The following ENOX1 variants were observed in gnomAD, a reference collection of about 807,000 sequenced individuals.
The protein encoded by ENOX1 is ecto-NOX disulfide-thiol exchanger 1.
In ENOX1, 42 loss-of-function variants were observed where a neutral mutation model predicts 82.5. That is an observed-to-expected ratio of 0.51 (90% CI 0.40 to 0.66). ENOX1 has a LOEUF of 0.66. Among genes scored for constraint, ENOX1 ranks in the 30% least tolerant of loss-of-function variants. ENOX1 has a pLI of 0.00. For synonymous variants in ENOX1, 271 were observed against 282.2 expected (o/e 0.96, Z 0.40); for missense variants, 608 against 811.6 (o/e 0.75, Z 3.05).
chr13:43,233,914 A>C (rs906526525), intron 15 of ENOX1, among the ~76,000 whole-genome samples: 3 of 105,706 alleles, frequency 2.8e-5, no homozygotes, highest in African/African-American at 8.4e-5. Context: ...GGGAATTGCA[A>C]AGAGTATTTA....
At chr13:43,653,901 T>C (rs1208639328) in intron 2 of ENOX1, among the ~76,000 whole-genome samples, 1 of 152,150 alleles carries the variant, frequency 6.6e-6, no homozygotes, top group East Asian at 1.9e-4. Flanking sequence ...ATGCCACCAT[T>C]GAACCACTAA....
intron 2 of ENOX1, among the ~76,000 whole-genome samples, chr13:43,574,721 C>T (rs2153713332): frequency 6.6e-6 from 1 of 152,290 alleles, no homozygotes; most frequent in African/African-American, 2.4e-5. Context: ...TTTAATCTGC[C>T]ATGCCTGAAT....
intron 2 of ENOX1, among the ~76,000 whole-genome samples, chr13:43,605,227 A>G (rs1318231806): frequency 6.6e-6 from 1 of 152,234 alleles, no homozygotes; most frequent in East Asian, 1.9e-4. Context: ...TAAAATGTCC[A>G]TACTACACAA....
At chr13:43,293,140 A>C (rs1464305309) in intron 12 of ENOX1, among the ~76,000 whole-genome samples, 1 of 151,946 alleles carries the variant, frequency 6.6e-6, no homozygotes, top group Non-Finnish European at 1.5e-5. Context: ...CATAGCCACC[A>C]TTCTCACCAC....
chr13:43,297,216 T>C (rs2046330092), intron 12 of ENOX1, among the ~76,000 whole-genome samples: 1 of 152,216 alleles, frequency 6.6e-6, no homozygotes, highest in Non-Finnish European at 1.5e-5. Context: ...GTGATTCTTT[T>C]TTATACTCTC....
At chr13:43,351,411 AT>A (rs1231598427) in intron 8 of ENOX1, among the ~76,000 whole-genome samples, 4 of 135,800 alleles carry the variant, frequency 2.9e-5, no homozygotes, top group South Asian at 2.6e-4. Flanking sequence ...TTATTTATTT[AT>A]TTTATTTATT....
chr13:43,495,386 T>C (rs2076757077), intron 2 of ENOX1, among the ~76,000 whole-genome samples: 1 of 152,146 alleles, frequency 6.6e-6, no homozygotes, highest in African/African-American at 2.4e-5. Flanking sequence ...GCTTTGCCTA[T>C]ACTTGAACTC....
intron 2 of ENOX1, among the ~76,000 whole-genome samples, chr13:43,564,240 GAATT>G (rs1416119272): frequency 3.3e-5 from 5 of 151,982 alleles, no homozygotes; most frequent in South Asian, 2.1e-4. Flanking sequence ...TGGATTAGAA[GAATT>G]AATATTGTTA....
At chr13:43,221,235 C>A (rs2041770782) in intron 16 of ENOX1, among the ~76,000 whole-genome samples, 1 of 152,178 alleles carries the variant, frequency 6.6e-6, no homozygotes, top group Admixed American at 6.5e-5. Context: ...GCTTGGAAAA[C>A]TGAGCCTTCA....
chr13:43,774,238 A>G (rs1242740389), intron 1 of ENOX1, among the ~76,000 whole-genome samples: 1 of 152,230 alleles, frequency 6.6e-6, no homozygotes, highest in Non-Finnish European at 1.5e-5. Context: ...TACAACTGAA[A>G]TGGATCAAAG....
At chr13:43,256,400 T>C (rs1278164220) in intron 14 of ENOX1, among the ~76,000 whole-genome samples, 1 of 152,046 alleles carries the variant, frequency 6.6e-6, no homozygotes, top group Non-Finnish European at 1.5e-5. Context: ...TTGCAAACTC[T>C]CCATCTGACA....
At position 43,739,447 on chromosome 13, in the gene ENOX1, G is replaced by A. The variant is rs1287869923; in HGVS notation, c.-285+47205C>T. On this transcript the variant is annotated intron_variant, in intron 1 of 16. Coordinates refer to ENST00000690772, the MANE Select transcript of ENOX1 (RefSeq NM_001347969.2). ...GCCTGTAGTCCCAGCTACTTGGGAG[G>A]CTGAGGTGGGAAAATCGCCTGAGCT... is the stretch of plus-strand genomic sequence containing the variant. Among the ~76,000 whole-genome samples the A allele has an allele frequency of 3.3e-5, 5 of 152,070 alleles. No individual in the cohort carries two copies. The South Asian group carries it at 8.3e-4, about 25-fold the overall frequency.
At chr13:43,300,656 G>A (rs1566457810) in intron 11 of ENOX1, among the ~76,000 whole-genome samples, 2 of 152,228 alleles carry the variant, frequency 1.3e-5, no homozygotes, top group Admixed American at 6.5e-5. Context: ...CAGGTGATGG[G>A]AGAAGATGGG....
intron 1 of ENOX1, among the ~76,000 whole-genome samples, chr13:43,756,972 C>CAAAAAAAAAAAAAAAAAAAAA (rs1164153402): frequency 7.1e-5 from 2 of 28,060 alleles, no homozygotes; most frequent in East Asian, 2.0e-3. Context: ...AAAACAACAA[C>CAAAAAAAAAAAAAAAAAAAAA]AAAAAAAAAA....
At chr13:43,266,959 C>T (rs2044408666) in intron 13 of ENOX1, among the ~76,000 whole-genome samples, 1 of 152,154 alleles carries the variant, frequency 6.6e-6, no homozygotes, top group African/African-American at 2.4e-5. Context: ...AGTTGCTCTC[C>T]TCTCTTTTAA....
At chr13:43,408,894 G>A (rs1386220467) in intron 5 of ENOX1, among the ~76,000 whole-genome samples, 4 of 151,488 alleles carry the variant, frequency 2.6e-5, no homozygotes, top group East Asian at 1.9e-4. Context: ...ATTTAGAAAT[G>A]GAATAAAGAA....
chr13:43,658,345 T>C (rs903665), intron 2 of ENOX1, among the ~76,000 whole-genome samples: 151,033 of 152,268 alleles, frequency 0.99, 74,916 homozygotes, highest in Middle Eastern at 1. Context: ...CTTAGTTTTT[T>C]GATTTCAGGT....
intron 2 of ENOX1, among the ~76,000 whole-genome samples, chr13:43,552,826 G>A (rs540854940): frequency 6.6e-6 from 1 of 152,298 alleles, no homozygotes; most frequent in Non-Finnish European, 1.5e-5. Context: ...ACAAATGATT[G>A]CTTATCCAAG....
chr13:43,308,467 CA>C (rs775308162), intron 11 of ENOX1, among the ~76,000 whole-genome samples: 1 of 152,118 alleles, frequency 6.6e-6, no homozygotes, highest in African/African-American at 2.4e-5. Flanking sequence ...CACATCCTCA[CA>C]AAAAAAGTTT....
Sources: gnomAD v4.1 joint callset for allele counts (sites outside exome capture counted in the v4.1 genomes callset) on GRCh38, gnomAD v4.1.1 for gene constraint, MANE v1.5 for transcripts, NCBI Gene and HGNC (gene_info 2026-07-23, HGNC 2026-07-21) for gene names.